Variants in AGBL1 observed in about 807,000 individuals in gnomAD.
The protein encoded by AGBL1 is cytosolic carboxypeptidase 4.
Under a neutral mutation model 118.9 loss-of-function variants are expected in AGBL1, and 130 were observed. That is an observed-to-expected ratio of 1.09 (90% CI 0.95 to 1.26). The LOEUF (loss-of-function observed/expected upper bound fraction) is 1.26, where lower values mean the gene tolerates loss of function less well. Ranked by LOEUF, AGBL1 falls within the 50% of genes most tolerant of loss-of-function variation. The pLI is 0.00. For synonymous variants in AGBL1, 555 were observed against 478.9 expected (o/e 1.16, Z -2.08); for missense variants, 1,584 against 1,298.1 (o/e 1.22, Z -3.38).
At chr15:86,717,208 A>G (rs574023334) in intron 22 of AGBL1, among the ~76,000 whole-genome samples, 1 of 152,342 alleles carries the variant, frequency 6.6e-6, no homozygotes, top group South Asian at 2.1e-4. Context: ...ATAAGAGCTG[A>G]GAACAAGGAG....
chr15:86,807,414 A>C (rs1222963622), intron 22 of AGBL1, among the ~76,000 whole-genome samples: 1 of 152,180 alleles, frequency 6.6e-6, no homozygotes, highest in Non-Finnish European at 1.5e-5. Context: ...AGGAGCACCA[A>C]AAATATTTGC....
At chr15:86,966,960 T>A (rs542834739) in intron 23 of AGBL1, among the ~76,000 whole-genome samples, 1 of 152,244 alleles carries the variant, frequency 6.6e-6, no homozygotes, top group East Asian at 1.9e-4. Context: ...AAAGTGTTCC[T>A]ATTTCTCCAC....
At position 86,143,780 on chromosome 15, in the gene AGBL1, C is replaced by T. The variant is rs61995730; in HGVS notation, c.197C>T (p.Thr66Ile). ...LLQTLVDTAR[T>I]APPDYDILLP... Reference sequence around the variant, plus strand: ...CAGACCCTGGTAGACACAGCGAGGACAGCTCCTCCAGACTATGACATCCTC... The same window carrying T: ...CAGACCCTGGTAGACACAGCGAGGATAGCTCCTCCAGACTATGACATCCTC... Residue 66 changes from threonine (T) to isoleucine (I), a missense_variant, in exon 3 of 23, where the codon ACA becomes ATA. Thr to Ile is a moderately conservative substitution (Grantham distance 89, BLOSUM62 -1). Transcript: ENST00000614907. 1.5e-5 allele frequency: 24 copies of T among 1,613,806 alleles called. No individual in the cohort carries two copies. The highest frequency in any genetic ancestry group is 3.3e-4 in the Middle Eastern group (2 of 6,082).
intron 6 of AGBL1, among the ~76,000 whole-genome samples, chr15:86,227,909 A>G (rs2078392764): frequency 6.6e-6 from 1 of 152,200 alleles, no homozygotes; most frequent in African/African-American, 2.4e-5. Flanking sequence ...AGAAAGTCCA[A>G]TGTGTGGGTA....
intron 15 of AGBL1, among the ~76,000 whole-genome samples, chr15:86,273,499 A>G (rs2079194893): frequency 6.6e-6 from 1 of 152,204 alleles, no homozygotes; most frequent in African/African-American, 2.4e-5. Context: ...AACAGGGTAG[A>G]TATGTGTAAT....
At chr15:86,660,233 G>A (rs576501262) in intron 21 of AGBL1, among the ~76,000 whole-genome samples, 5 of 152,046 alleles carry the variant, frequency 3.3e-5, no homozygotes, top group South Asian at 2.1e-4. Context: ...TACAGGGGCC[G>A]ATTGACCGGG....
intron 18 of AGBL1, among the ~76,000 whole-genome samples, chr15:86,490,746 A>G (rs1456290157): frequency 6.6e-6 from 1 of 152,130 alleles, no homozygotes; most frequent in Non-Finnish European, 1.5e-5. Flanking sequence ...GCAAATAAAG[A>G]GAATACTGAA....
intron 24 of AGBL1, among the ~76,000 whole-genome samples, chr15:87,021,611 A>G (rs1368638038): frequency 1.3e-5 from 2 of 152,210 alleles, no homozygotes; most frequent in East Asian, 3.9e-4. Context: ...CAAAGGCCTA[A>G]TATCCAGAGT....
chr15:86,471,579 A>G (rs1195725013), intron 18 of AGBL1, among the ~76,000 whole-genome samples: 1 of 151,272 alleles, frequency 6.6e-6, no homozygotes, highest in Non-Finnish European at 1.5e-5. Context: ...ATTTGGAAGC[A>G]TTCACTCCTC....
intron 22 of AGBL1, among the ~76,000 whole-genome samples, chr15:86,856,449 T>C (rs748087419): frequency 5.3e-5 from 8 of 152,246 alleles, no homozygotes; most frequent in Non-Finnish European, 8.8e-5. Context: ...AAGACTAAGC[T>C]AGCAAAGACA....
intron 22 of AGBL1, among the ~76,000 whole-genome samples, chr15:86,754,992 T>C (rs1424645741): frequency 1.3e-5 from 2 of 152,104 alleles, no homozygotes; most frequent in South Asian, 4.1e-4. Context: ...AGGGGGTATA[T>C]GATGTGGGAC....
intron 16 of AGBL1, among the ~76,000 whole-genome samples, chr15:86,287,164 TGC>T (rs1362470897): frequency 6.6e-6 from 1 of 152,222 alleles, no homozygotes; most frequent in East Asian, 1.9e-4. Flanking sequence ...TGTTCAGAAA[TGC>T]CTATTCAGGC....
chr15:86,902,993 C>T (rs562691305), intron 22 of AGBL1, among the ~76,000 whole-genome samples: 29 of 152,042 alleles, frequency 1.9e-4, no homozygotes, highest in African/African-American at 6.8e-4. Flanking sequence ...CTTTGGATAC[C>T]TTCACAGCCT....
downstream of AGBL1, among the ~76,000 whole-genome samples, chr15:86,920,409 A>G (rs760599139): frequency 1.5e-4 from 23 of 152,110 alleles, no homozygotes; most frequent in Admixed American, 1.1e-3. Context: ...GGCTAGTGTG[A>G]TTAGGTTAGA....
rs907665529 is a variant in AGBL1 at position 86,795,849 on chromosome 15, G to C, written c.3159-111238G>C. Among the ~76,000 whole-genome samples the C allele has an allele frequency of 2.6e-5, 4 of 151,554 alleles. No homozygotes were observed. The East Asian group carries it at 7.9e-4, about 30-fold the overall frequency. Reference sequence around the variant, plus strand: ...GATCCACCCACCCCAGCCCCGCAAAGTGCTGGGATTACAGGCGTGAGCCAT... The same window carrying C: ...GATCCACCCACCCCAGCCCCGCAAACTGCTGGGATTACAGGCGTGAGCCAT... On this transcript the variant is annotated intron_variant, in intron 22 of 22. Coordinates refer to ENST00000614907, the MANE Select transcript of AGBL1 (RefSeq NM_001386094.1).
At chr15:86,715,397 C>T (rs971088302) in intron 22 of AGBL1, among the ~76,000 whole-genome samples, 9 of 152,184 alleles carry the variant, frequency 5.9e-5, no homozygotes, top group African/African-American at 2.2e-4. Context: ...AATCTATGGT[C>T]TTCTCGTAGA....
At chr15:86,201,919 G>A (rs1436901055) in intron 5 of AGBL1, among the ~76,000 whole-genome samples, 1 of 152,144 alleles carries the variant, frequency 6.6e-6, no homozygotes, top group Non-Finnish European at 1.5e-5. Context: ...CACATGTAGG[G>A]GGCGGTGCTG....
At chr15:86,694,433 G>C (rs2086221587) in intron 22 of AGBL1, among the ~76,000 whole-genome samples, 4 of 152,024 alleles carry the variant, frequency 2.6e-5, no homozygotes, top group Non-Finnish European at 5.9e-5. Flanking sequence ...ACTGATTTGT[G>C]TACATTAATT....
chr15:86,893,654 C>G (rs1411127849), intron 22 of AGBL1, among the ~76,000 whole-genome samples: 1 of 152,094 alleles, frequency 6.6e-6, no homozygotes, highest in Non-Finnish European at 1.5e-5. Context: ...TAGAGATTGT[C>G]TGAAAGCTGC....
Sources: gnomAD v4.1 joint callset for allele counts (sites outside exome capture counted in the v4.1 genomes callset) on GRCh38, gnomAD v4.1.1 for gene constraint, MANE v1.5 for transcripts, NCBI Gene and HGNC (gene_info 2026-07-23, HGNC 2026-07-21) for gene names.